Variants in CACNA1C observed in about 807,000 individuals in gnomAD.
The protein encoded by CACNA1C is voltage-dependent L-type calcium channel subunit alpha-1C.
In CACNA1C, 30 loss-of-function variants were observed where a neutral mutation model predicts 229.0. The ratio of observed to expected loss-of-function variants is 0.13; its 90% CI spans 0.10 to 0.18. CACNA1C has a LOEUF of 0.18. Ranked by LOEUF, CACNA1C falls within the 10% of genes least tolerant of loss-of-function variation. The pLI, the probability that CACNA1C is intolerant of heterozygous loss-of-function variation, is 1.00. For synonymous variants in CACNA1C, 1,114 were observed against 1,132.5 expected, an observed-to-expected ratio of 0.98 and a Z score of 0.33; for missense variants, 1,658 against 2,845.0, an observed-to-expected ratio of 0.58 and a Z score of 9.49.
chr12:2,546,106 C>T (rs1010847155), intron 9 of CACNA1C, among the ~76,000 whole-genome samples: 1 of 150,436 alleles, frequency 6.6e-6, no homozygotes, highest in Non-Finnish European at 1.5e-5. Context: ...TCTTCCTGCT[C>T]TCCCATGCAG....
At chr12:2,300,233 G>A (rs940485030) in intron 3 of CACNA1C, among the ~76,000 whole-genome samples, 18 of 152,214 alleles carry the variant, frequency 1.2e-4, no homozygotes, top group African/African-American at 4.1e-4. Context: ...AAACAGTGAG[G>A]TCCCGATTGT....
In CACNA1C at chr12:2,181,182, G is replaced by A. The variant is rs766437792; in HGVS notation, c.477+60752G>A. Among the ~76,000 whole-genome samples the A allele has an allele frequency of 1.3e-5, 2 of 152,142 alleles. No homozygotes were observed. The highest frequency in any genetic ancestry group is 2.9e-5 in the Non-Finnish European group (2 of 68,008). On this transcript the variant is annotated intron_variant, in intron 3 of 46. Coordinates refer to ENST00000399655, the MANE Select transcript of CACNA1C (RefSeq NM_000719.7). The surrounding 1 kb of genome is among the most constrained non-coding windows in gnomAD (Gnocchi z 4.0). Reference sequence around the variant, plus strand: ...CCCAGTCCGTGACGGCGGTAACAATGATCATTACTACCTCTGTTATTTCCT... The same window carrying A: ...CCCAGTCCGTGACGGCGGTAACAATAATCATTACTACCTCTGTTATTTCCT...
At chr12:1,972,419 T>TAG (rs2032690964) in intron 1 of CACNA1C, among the ~76,000 whole-genome samples, 1 of 152,226 alleles carries the variant, frequency 6.6e-6, no homozygotes, top group Non-Finnish European at 1.5e-5. Context: ...TGATGACTCG[T>TAG]TACTAGCATA....
chr12:2,439,549 G>T (rs2099195483), intron 3 of CACNA1C, among the ~76,000 whole-genome samples: 1 of 152,252 alleles, frequency 6.6e-6, no homozygotes, highest in South Asian at 2.1e-4. Flanking sequence ...CAGCACCCTG[G>T]ATCTGAGCAC....
intron 3 of CACNA1C, among the ~76,000 whole-genome samples, chr12:2,128,922 G>A (rs1490175235): frequency 1.3e-5 from 2 of 152,240 alleles, no homozygotes; most frequent in African/African-American, 4.8e-5. Context: ...CCTGTGAGAT[G>A]TAGCCCTGAA....
rs1052089500 is a variant in CACNA1C, at chr12:2,637,257, C to T, written c.3912+2877C>T. Among the ~76,000 whole-genome samples, 3 of 152,296 alleles carry T rather than the reference C, an allele frequency of 2.0e-5. No homozygotes were observed. The East Asian group carries it at 5.8e-4, about 29-fold the overall frequency. ...TGTTTTGAAGCTCAAATAAGAGCATCTATTTAAAAACTCTATATAAACTGG... is the reference window on the plus strand; with the variant it reads ...TGTTTTGAAGCTCAAATAAGAGCATTTATTTAAAAACTCTATATAAACTGG... On this transcript the variant is annotated intron_variant, in intron 30 of 46. Transcript: ENST00000399655.
chr12:1,971,121 T>C lies in CACNA1C; in HGVS notation c.59T>C (p.Leu20Pro), dbSNP rs753529892. ...GCATACCAGCCGCTTCCCAGCCACC[T>C]GTCTGCCAACACGGAGGTCAAGTTT... The change falls in exon 1 of 47, where the codon CTG becomes CCG. Residue 20 changes from leucine (L) to proline (P), a missense_variant. Leu to Pro is a moderately conservative substitution (Grantham distance 98). Coordinates refer to the CACNA1C transcript ENST00000682462. The surrounding 1 kb of genome is among the most constrained non-coding windows in gnomAD (Gnocchi z 4.2). 1 of 1,289,432 alleles carries C rather than the reference T, an allele frequency of 7.8e-7. No individual in the cohort carries two copies. The highest frequency in any genetic ancestry group is 1.5e-5 in the African/African-American group (1 of 65,864). The allele number at this position is 1,289,432 out of a possible 1,614,324, so 79.9% of individuals were successfully genotyped here.
intron 1 of CACNA1C, among the ~76,000 whole-genome samples, chr12:1,976,909 A>C (rs1414724227): frequency 1.3e-5 from 2 of 152,028 alleles, no homozygotes; most frequent in Non-Finnish European, 2.9e-5. Flanking sequence ...ATGAAGGAAA[A>C]AAGGGAAGAA....
chr12:2,319,531 G>A lies in CACNA1C; in HGVS notation c.478-129445G>A, dbSNP rs540273012. The stretch of plus-strand genomic sequence containing the variant: ...CGAACCCCCAGCAGCCAGCGGGTGG[G>A]TTGGATTCCAGGGTCTCCACTCAGG... On this transcript the variant is annotated intron_variant, in intron 3 of 46. Coordinates refer to ENST00000399655, the MANE Select transcript of CACNA1C (RefSeq NM_000719.7). This position sits in a 1 kb window ranked among gnomAD's most constrained non-coding sequence, Gnocchi z 4.0. Among the ~76,000 whole-genome samples the A allele has an allele frequency of 1.3e-5, 2 of 152,288 alleles. No individual in the cohort carries two copies. Among genetic ancestry groups the A allele is most frequent in the African/African-American group, 4.8e-5 (2 of 41,554 alleles).
chr12:2,536,658 G>A (rs1599250672), intron 9 of CACNA1C, among the ~76,000 whole-genome samples: 1 of 152,046 alleles, frequency 6.6e-6, no homozygotes, highest in East Asian at 1.9e-4. Context: ...GTGAGACCTT[G>A]TCTCTACAAA....
rs75449476 is a variant in CACNA1C, at chr12:2,121,213, G to A, written c.477+783G>A. Among the ~76,000 whole-genome samples the A allele has an allele frequency of 2.8e-4, 42 of 152,276 alleles. No homozygotes were observed. The East Asian group carries it at 7.3e-3, about 27-fold the overall frequency. ...TTGCAGAGACACCGTCACTCTCCAC[G>A]TGATTTCCACATGGCGTGTTTGGTC... On this transcript the variant is annotated intron_variant, in intron 3 of 46. Coordinates refer to ENST00000399655, the MANE Select transcript of CACNA1C (RefSeq NM_000719.7).
At position 2,319,003 on chromosome 12, in the gene CACNA1C, T is replaced by G. The variant is rs528539769; in HGVS notation, c.478-129973T>G. Among the ~76,000 whole-genome samples, 11 of 152,044 alleles carry G rather than the reference T, an allele frequency of 7.2e-5. No individual in the cohort carries two copies. The highest frequency in any genetic ancestry group is 7.2e-4 in the Admixed American group (11 of 15,280). ...GGAAAAGGACTGGGAAGCTCAGAGT[T>G]GAGCTCCTTTTCTGACAATAGTGGT... On this transcript the variant is annotated intron_variant, in intron 3 of 46. Coordinates refer to ENST00000399655, the MANE Select transcript of CACNA1C (RefSeq NM_000719.7). This position sits in a 1 kb window ranked among gnomAD's most constrained non-coding sequence, Gnocchi z 4.0.
At position 2,646,768 on chromosome 12, in the gene CACNA1C, A is replaced by AAAGAGAG. The variant is rs2094409233; in HGVS notation, c.3913-1706_3913-1705insAGAGAGA. On this transcript the variant is annotated intron_variant, in intron 30 of 46. Transcript: ENST00000399655. The surrounding 1 kb of genome is among the most constrained non-coding windows in gnomAD (Gnocchi z 4.6). ...TGCCTGTATGAGAGAGAGAGAGAGA[A>AAAGAGAG]AGAGAGAGAGAGAGAGAGAGAGTGT... Among the ~76,000 whole-genome samples, 3 of 146,506 alleles carry AAAGAGAG rather than the reference A, an allele frequency of 2.0e-5. No individual in the cohort carries two copies. The highest frequency in any genetic ancestry group is 7.5e-5 in the African/African-American group (3 of 40,140).
rs1300445043 is a variant in CACNA1C, at chr12:2,665,797, A to G, written c.4526+89A>G. The G allele has an allele frequency of 7.6e-7, 1 of 1,309,600 alleles. No homozygotes were observed. Among genetic ancestry groups the G allele is most frequent in the Admixed American group, 2.5e-5 (1 of 40,060 alleles). 81.1% of individuals were successfully genotyped at this position (1,309,600 alleles called of 1,614,324 possible). A position where few individuals can be genotyped will look rare whatever the true frequency, so the allele number is the denominator to read the frequency against. On this transcript the variant is annotated intron_variant, in intron 36 of 46. Transcript: ENST00000399655. The surrounding 1 kb of genome is among the most constrained non-coding windows in gnomAD (Gnocchi z 5.9). ...CAGGAGGGGCTCAAGGTTGGCCAACACTGGGTGGATCAATTAGAAACACTG... is the reference window on the plus strand; with the variant it reads ...CAGGAGGGGCTCAAGGTTGGCCAACGCTGGGTGGATCAATTAGAAACACTG...
chr12:2,615,207 A>G lies in CACNA1C; in HGVS notation c.3828+3194A>G, dbSNP rs1052643249. Among the ~76,000 whole-genome samples the G allele has an allele frequency of 3.3e-5, 5 of 152,364 alleles. 1 individual carries two copies. Among genetic ancestry groups the G allele is most frequent in the Admixed American group, 6.5e-5 (1 of 15,300 alleles). On this transcript the variant is annotated intron_variant, in intron 29 of 46. Coordinates refer to ENST00000399655, the MANE Select transcript of CACNA1C (RefSeq NM_000719.7). ...GCCCCTGCACCCCACACGAAGGTGCAGGACCAGGCTGGGCAGCACGAAAAG... is the reference window on the plus strand; with the variant it reads ...GCCCCTGCACCCCACACGAAGGTGCGGGACCAGGCTGGGCAGCACGAAAAG...
chr12:2,358,349 GAGGCATTC>G (rs2097451226), intron 3 of CACNA1C, among the ~76,000 whole-genome samples: 1 of 150,716 alleles, frequency 6.6e-6, no homozygotes. Context: ...GAAAGAGATA[GAGGCATTC>G]ATATTCAGCA....
intron 3 of CACNA1C, among the ~76,000 whole-genome samples, chr12:2,282,009 T>C (rs1278950693): frequency 6.6e-6 from 1 of 152,202 alleles, no homozygotes; most frequent in Admixed American, 6.5e-5. Flanking sequence ...GTTCCTATAC[T>C]ATGTGTTTAT....
intron 3 of CACNA1C, among the ~76,000 whole-genome samples, chr12:2,294,940 T>C (rs1398776452): frequency 2.0e-5 from 3 of 152,166 alleles, no homozygotes; most frequent in African/African-American, 4.8e-5. Context: ...AGCAATGCTG[T>C]GCGCACAGTT....
intron 1 of CACNA1C, chr12:1,993,363 T>A: frequency 6.2e-7 from 1 of 1,613,208 alleles, no homozygotes; most frequent in African/African-American, 1.3e-5. Context: ...CTATTCATAA[T>A]GGTGAATCCA....
Sources: gnomAD v4.1 joint callset for allele counts (sites outside exome capture counted in the v4.1 genomes callset) on GRCh38, gnomAD v4.1.1 for gene constraint, Gnocchi (gnomAD v3.1) non-coding constraint, MANE v1.5 for transcripts, NCBI Gene and HGNC (gene_info 2026-07-23, HGNC 2026-07-21) for gene names.